The following GTF2A1L variants were observed in gnomAD, a reference collection of about 807,000 sequenced individuals.
GTF2A1L encodes TFIIA-alpha and beta-like factor.
GTF2A1L carries 48 observed loss-of-function variants against 49.7 expected under a neutral mutation model. That is an observed-to-expected ratio of 0.97 (90% CI 0.77 to 1.23). GTF2A1L has a LOEUF of 1.23. Ranked by LOEUF, GTF2A1L falls within the 50% of genes most tolerant of loss-of-function variation. GTF2A1L has a pLI of 0.00. For missense variants in GTF2A1L, 736 were observed against 564.8 expected (o/e 1.30, Z -3.07); for synonymous variants, 246 against 193.5 (o/e 1.27, Z -2.25).
At chr2:48,631,721 T>C (rs1676588767) in intron 3 of GTF2A1L, among the ~76,000 whole-genome samples, 2 of 152,156 alleles carry the variant, frequency 1.3e-5, no homozygotes, top group Non-Finnish European at 2.9e-5. Context: ...TAGTTCTTGT[T>C]TTTCTAGTTC....
intron 8 of GTF2A1L, among the ~76,000 whole-genome samples, chr2:48,675,936 A>G (rs750404295): frequency 7.2e-5 from 11 of 151,886 alleles, no homozygotes; most frequent in Non-Finnish European, 1.5e-4. Context: ...GATAGTGCAT[A>G]CACATGGTTA....
At chr2:48,650,358 A>G (rs1483703967) in intron 6 of GTF2A1L, among the ~76,000 whole-genome samples, 2 of 152,204 alleles carry the variant, frequency 1.3e-5, no homozygotes, top group Non-Finnish European at 1.5e-5. Flanking sequence ...TTGATCTGGA[A>G]TGAGGCTTAG....
At chr2:48,633,477 C>G (rs34113862) in intron 3 of GTF2A1L, 19,854 of 152,330 alleles carry the variant, frequency 0.13, 1,549 homozygotes, top group African/African-American at 0.22. Flanking sequence ...AAGGAGATTT[C>G]TGTTTTTATT....
intron 3 of GTF2A1L, among the ~76,000 whole-genome samples, chr2:48,639,965 A>G (rs1235074561): frequency 6.6e-6 from 1 of 152,224 alleles, no homozygotes; most frequent in East Asian, 1.9e-4. Context: ...ATTACTGATC[A>G]TTAGAGAAAT....
intron 5 of GTF2A1L, 132 bp downstream of exon 5, chr2:48,645,249 A>C: frequency 1.2e-6 from 1 of 835,982 alleles, no homozygotes; most frequent in Non-Finnish European, 1.8e-6. Context: ...TTTTAAAAGT[A>C]ATGATAAATG....
intron 8 of GTF2A1L, among the ~76,000 whole-genome samples, chr2:48,677,906 C>G (rs1420115417): frequency 6.6e-6 from 1 of 151,458 alleles, no homozygotes; most frequent in Non-Finnish European, 1.5e-5. Flanking sequence ...GTGGTCATTT[C>G]CCAGTGAGAT....
chr2:48,656,736 A>G (rs1193628357), intron 6 of GTF2A1L, among the ~76,000 whole-genome samples: 5 of 152,140 alleles, frequency 3.3e-5, no homozygotes, highest in African/African-American at 1.2e-4. Context: ...TTTGTTGCCT[A>G]TGCTTTTGGT....
At chr2:48,638,371 A>G (rs1268636246) in intron 3 of GTF2A1L, among the ~76,000 whole-genome samples, 1 of 152,184 alleles carries the variant, frequency 6.6e-6, no homozygotes, top group African/African-American at 2.4e-5. Flanking sequence ...CAAAAAGCTA[A>G]TCCACCATGA....
intron 3 of GTF2A1L, among the ~76,000 whole-genome samples, chr2:48,635,912 G>GA (rs922818947): frequency 6.6e-6 from 1 of 151,310 alleles, no homozygotes; most frequent in African/African-American, 2.4e-5. Context: ...GGATTGGGAG[G>GA]AAAAAAAAAG....
intron 6 of GTF2A1L, among the ~76,000 whole-genome samples, chr2:48,655,665 C>T (rs1354819397): frequency 6.6e-6 from 1 of 152,096 alleles, no homozygotes; most frequent in Non-Finnish European, 1.5e-5. Context: ...TTCAATTTTT[C>T]TCCTGTGCTA....
At chr2:48,623,306 C>T (rs1314796589) in intron 3 of GTF2A1L, among the ~76,000 whole-genome samples, 2 of 152,154 alleles carry the variant, frequency 1.3e-5, no homozygotes, top group Non-Finnish European at 2.9e-5. Flanking sequence ...ATTAAATCTA[C>T]AATTCAATAA....
Position 48,620,956 on chromosome 2 carries a change from T to C in GTF2A1L, c.123+4T>C. 6.3e-7 allele frequency: 1 copy of C among 1,595,468 alleles called. No homozygotes were observed. Among genetic ancestry groups the C allele is most frequent in the South Asian group, 1.2e-5 (1 of 86,768 alleles). Reference sequence around the variant, plus strand: ...AGTTTTAAAAGACTTGAAGCAGGTTTGTAGCCGATACAACTTTTTCTTCCT... The same window carrying C: ...AGTTTTAAAAGACTTGAAGCAGGTTCGTAGCCGATACAACTTTTTCTTCCT... On this transcript the variant is annotated splice_donor_region_variant and intron_variant, in intron 2 of 8. Transcript: ENST00000403751.
At chr2:48,669,627 A>T in intron 6 of GTF2A1L, 95 bp from the exon 7 acceptor site, 1 of 1,455,974 alleles carries the variant, frequency 6.9e-7, no homozygotes, top group Non-Finnish European at 9.1e-7. Flanking sequence ...GCTTGAACTG[A>T]CCATTTGTGG....
intron 3 of GTF2A1L, among the ~76,000 whole-genome samples, chr2:48,641,192 C>T (rs1016545150): frequency 3.3e-5 from 5 of 152,172 alleles, no homozygotes; most frequent in Non-Finnish European, 5.9e-5. Context: ...AAGCTTTGCT[C>T]ACTTCAGCTA....
At chr2:48,654,147 T>A (rs2104239265) in intron 6 of GTF2A1L, among the ~76,000 whole-genome samples, 1 of 152,302 alleles carries the variant, frequency 6.6e-6, no homozygotes, top group East Asian at 1.9e-4. Context: ...CACCACATCC[T>A]TGGTAGTTAA....
At chr2:48,666,514 A>G (rs1678849643) in intron 6 of GTF2A1L, among the ~76,000 whole-genome samples, 2 of 152,002 alleles carry the variant, frequency 1.3e-5, no homozygotes, top group South Asian at 2.1e-4. Context: ...ACCCAGTATG[A>G]TAATCTCTAT....
chr2:48,620,862 C>A lies in GTF2A1L; in HGVS notation c.33C>A (p.Tyr11Ter). 2 of 1,571,972 alleles carry A rather than the reference C, an allele frequency of 1.3e-6. No individual in the cohort carries two copies. The highest frequency in any genetic ancestry group is 2.4e-5 in the South Asian group (2 of 82,060). The change falls in exon 2 of 9, where the codon TAC becomes TAA. Residue 11 changes from tyrosine to a stop codon, truncating the protein, a stop_gained. Coordinates refer to ENST00000403751, the MANE Select transcript of GTF2A1L (RefSeq NM_006872.5). LOFTEE classifies it high-confidence loss of function. MACLNPVPKLYRSVIEDVIEG... is the reference protein window; with the variant it reads MACLNPVPKL ...TTGCTTTTATGTAGCCTAAACTCTA[C>A]AGATCTGTAATTGAAGATGTAATTG...
chr2:48,679,287 C>T (rs1388477155), intron 8 of GTF2A1L, 48 bp from the exon 9 acceptor site: 17 of 1,590,400 alleles, frequency 1.1e-5, no homozygotes, highest in Non-Finnish European at 1.3e-5. Flanking sequence ...TGCAGGTGAT[C>T]CTTTAACTTG....
intron 6 of GTF2A1L, among the ~76,000 whole-genome samples, chr2:48,653,247 TAACTC>T (rs1677972290): frequency 8.0e-6 from 1 of 124,402 alleles, no homozygotes; most frequent in Non-Finnish European, 1.8e-5. Context: ...AAAAGTAAAA[TAACTC>T]AAATTTAAAG....
Sources: allele counts gnomAD v4.1 joint callset (sites outside exome capture counted in the v4.1 genomes callset), GRCh38; gene constraint gnomAD v4.1.1; transcripts MANE v1.5; gene names NCBI Gene and HGNC (gene_info 2026-07-23, HGNC 2026-07-21).